HSPA12B: variants seen among roughly 807,000 people sequenced by gnomAD.
The protein encoded by HSPA12B is heat shock 70 kDa protein 12B.
HSPA12B carries 54 observed loss-of-function variants against 69.3 expected under a neutral mutation model. The ratio of observed to expected loss-of-function variants is 0.78; its 90% confidence interval spans 0.63 to 0.98. The LOEUF (loss-of-function observed/expected upper bound fraction) is 0.98. Ranked by LOEUF, HSPA12B falls within the 50% of genes least tolerant of loss-of-function variation. The probability of loss-of-function intolerance (pLI) is 0.00; values close to 1 mark genes in which losing one functional copy is unlikely to be tolerated. For synonymous variants in HSPA12B, 441 were observed against 436.5 expected, an observed-to-expected ratio of 1.01 and a Z score of -0.13; for missense variants, 929 against 999.8, an observed-to-expected ratio of 0.93 and a Z score of 0.96.
At chr20:3,743,684 G>A (rs2088247462) in intron 4 of HSPA12B, among the ~76,000 whole-genome samples, 1 of 152,126 alleles carries the variant, frequency 6.6e-6, no homozygotes. Flanking sequence ...TAGTACAGAT[G>A]TGTCATAATT....
rs1257194907 is a variant in HSPA12B at position 3,745,720 on chromosome 20, A to G, written c.558+123A>G. ...TAGCCACCGCCGGAGCTCAGAGGTC[A>G]TCTTCTCCAGTACCCTCCTCCCTTT... is the stretch of plus-strand genomic sequence containing the variant. On this transcript the variant is annotated intron_variant, in intron 6 of 12. Transcript: ENST00000254963. This position sits in a 1 kb window ranked among gnomAD's most constrained non-coding sequence, Gnocchi z 5.6. 7.2e-6 allele frequency: 7 copies of G among 972,110 alleles called. No individual in the cohort carries two copies. Among genetic ancestry groups the G allele is most frequent in the Non-Finnish European group, 1.1e-5 (7 of 622,516 alleles). The allele number at this position is 972,110 out of a possible 1,614,324, so 60.2% of individuals were successfully genotyped here.
At chr20:3,741,476 TACA>T (rs998952915) in intron 3 of HSPA12B, among the ~76,000 whole-genome samples, 25 of 151,886 alleles carry the variant, frequency 1.6e-4, no homozygotes, top group Non-Finnish European at 3.1e-4. Flanking sequence ...CTACAAAAAA[TACA>T]ACAATTAGCT....
rs550489678 is a variant in HSPA12B, at chr20:3,746,592, G to A, written c.675+561G>A. 5.3e-5 allele frequency among the ~76,000 whole-genome samples: 8 copies of A among 151,890 alleles called. No individual in the cohort carries two copies. In the East Asian group the frequency reaches 5.9e-4, roughly 11 times the overall value. The stretch of plus-strand genomic sequence containing the variant: ...GCTGGGATTACAGGCGTGAGCCACC[G>A]CGCCCGGCCAAGATGGAGAGTCTTA... On this transcript the variant is annotated intron_variant, in intron 7 of 12. Transcript: ENST00000254963.
At chr20:3,748,457 A>C in intron 8 of HSPA12B, 66 bp downstream of exon 8, 38 of 1,357,998 alleles carry the variant, frequency 2.8e-5, no homozygotes, top group Non-Finnish European at 3.3e-5. Context: ...CCAGAAGCTC[A>C]GCCATGTCTA....
chr20:3,738,573 G>C, intron 1 of HSPA12B, 85 bp from the exon 2 acceptor site: 1 of 1,372,068 alleles, frequency 7.3e-7, no homozygotes, highest in East Asian at 2.3e-5. Context: ...CCAGCCAAAA[G>C]TAAACAAATA....
chr20:3,749,668 GGAGGCTGGGC>G lies in HSPA12B; in HGVS notation c.938-73_938-64del. On this transcript the variant is annotated intron_variant, in intron 9 of 12. Coordinates refer to ENST00000254963, the MANE Select transcript of HSPA12B (RefSeq NM_052970.5). This position sits in a 1 kb window ranked among gnomAD's most constrained non-coding sequence, Gnocchi z 5.5. Reference sequence around the variant, plus strand: ...AGGCCTTGGGACCCGGGGCAGGGCTGGAGGCTGGGCGAGGCTGGAGGGGGCGCAGGGCTGA... The same window carrying G: ...AGGCCTTGGGACCCGGGGCAGGGCTGGAGGCTGGAGGGGGCGCAGGGCTGA... 1.9e-6 allele frequency: 2 copies of G among 1,056,982 alleles called. No homozygotes were observed. The highest frequency in any genetic ancestry group is 2.7e-6 in the Non-Finnish European group (2 of 735,140). 65.5% of individuals were successfully genotyped at this position (1,056,982 alleles called of 1,614,324 possible).
chr20:3,733,855 G>A (rs2088068252), intron 1 of HSPA12B, among the ~76,000 whole-genome samples: 1 of 152,208 alleles, frequency 6.6e-6, no homozygotes, highest in East Asian at 1.9e-4. Flanking sequence ...TAGTGAGGAG[G>A]GGAGCTGGAA....
At chr20:3,739,468 A>C (rs1346924922) in intron 2 of HSPA12B, among the ~76,000 whole-genome samples, 1 of 151,936 alleles carries the variant, frequency 6.6e-6, no homozygotes, top group Non-Finnish European at 1.5e-5. Context: ...CAAGAGGGAC[A>C]CTCCTCAGGA....
rs1277497594 is a variant in HSPA12B, at chr20:3,740,811, G to A, written c.44-4G>A. 1 of 1,612,906 alleles carries A rather than the reference G, an allele frequency of 6.2e-7. No individual in the cohort carries two copies. Among genetic ancestry groups the A allele is most frequent in the Non-Finnish European group, 8.5e-7 (1 of 1,179,542 alleles). ...CAGGATGAACTGCCGTCTCTTCTCT[G>A]CAGGCTCCAGCCCGGAGCGGTCCCC... On this transcript the variant is annotated splice_region_variant and splice_polypyrimidine_tract_variant and intron_variant, in intron 2 of 12. Transcript: ENST00000254963. The surrounding 1 kb of genome is among the most constrained non-coding windows in gnomAD (Gnocchi z 4.9).
chr20:3,742,543 G>A, intron 4 of HSPA12B, 135 bp downstream of exon 4: 2 of 667,600 alleles, frequency 3.0e-6, no homozygotes, highest in Non-Finnish European at 4.9e-6. Flanking sequence ...CTCCCCACTG[G>A]GGTAAAAGTT....
chr20:3,746,299 G>GACTT (rs2088301468), intron 7 of HSPA12B, among the ~76,000 whole-genome samples: 2 of 36,364 alleles, frequency 5.5e-5, no homozygotes, highest in Non-Finnish European at 5.1e-5. Flanking sequence ...AAGATGGAGA[G>GACTT]TCTTTTTTTT....
intron 7 of HSPA12B, among the ~76,000 whole-genome samples, chr20:3,746,301 C>CTTTTTTTTTTTTT (rs11473544): frequency 1.1e-5 from 1 of 89,244 alleles, no homozygotes. Flanking sequence ...GATGGAGAGT[C>CTTTTTTTTTTTTT]TTTTTTTTTT....
In HSPA12B at chr20:3,745,955, C is replaced by G. The variant is rs2088293857; in HGVS notation, c.599C>G (p.Thr200Ser). 6.2e-7 allele frequency: 1 copy of G among 1,614,074 alleles called. No homozygotes were observed. Among genetic ancestry groups the G allele is most frequent in the Non-Finnish European group, 8.5e-7 (1 of 1,180,000 alleles). Residue 200 changes from threonine to serine, a missense_variant, in exon 7 of 13, where the codon ACT (threonine) becomes AGT (serine). By Grantham distance (58) the Thr-to-Ser change is moderately conservative (BLOSUM62 1). Coordinates refer to ENST00000254963, the MANE Select transcript of HSPA12B (RefSeq NM_052970.5). This position sits in a 1 kb window ranked among gnomAD's most constrained non-coding sequence, Gnocchi z 5.6. ...AGCCCATCGCTGCCAGAGAAGGACA[C>G]TGTGCGCTGGGTGTTGACGGTGCCT... is the stretch of plus-strand genomic sequence containing the variant. Reference protein sequence around the residue: ...EQSPSLPEKDTVRWVLTVPAI... With the variant: ...EQSPSLPEKDSVRWVLTVPAI...
Position 3,745,860 on chromosome 20 carries a change from G to A in HSPA12B, c.559-55G>A. 1 of 1,483,756 alleles carries A rather than the reference G, an allele frequency of 6.7e-7. No individual in the cohort carries two copies. Among genetic ancestry groups the A allele is most frequent in the Non-Finnish European group, 9.4e-7 (1 of 1,061,388 alleles). The allele number at this position is 1,483,756 out of a possible 1,614,324, so 91.9% of individuals were successfully genotyped here. A position where few individuals can be genotyped will look rare whatever the true frequency, so the allele number is the denominator to read the frequency against. On this transcript the variant is annotated intron_variant, in intron 6 of 12. Transcript: ENST00000254963. This position sits in a 1 kb window ranked among gnomAD's most constrained non-coding sequence, Gnocchi z 5.6. ...AGTACCTCCAGTTCCGCAGAGGGCT[G>A]AAGACCACCCTCCCTCCAAGCCAGC... is the stretch of plus-strand genomic sequence containing the variant.
rs1196168748 is a variant in HSPA12B at position 3,745,681 on chromosome 20, C to G, written c.558+84C>G. The stretch of plus-strand genomic sequence containing the variant: ...CGAAACCGCTCCCCCATCCCGTCCC[C>G]GACATTGGATGGGTAGCCACCGCCG... On this transcript the variant is annotated intron_variant, in intron 6 of 12. Transcript: ENST00000254963. The surrounding 1 kb of genome is among the most constrained non-coding windows in gnomAD (Gnocchi z 5.6). 2 of 1,263,998 alleles carry G rather than the reference C, an allele frequency of 1.6e-6. No individual in the cohort carries two copies. Among genetic ancestry groups the G allele is most frequent in the African/African-American group, 1.5e-5 (1 of 68,170 alleles). The allele number at this position is 1,263,998 out of a possible 1,614,324, so 78.3% of individuals were successfully genotyped here. A position where few individuals can be genotyped will look rare whatever the true frequency, so the allele number is the denominator to read the frequency against.
chr20:3,736,592 C>A (rs929517970), intron 1 of HSPA12B, among the ~76,000 whole-genome samples: 3 of 152,208 alleles, frequency 2.0e-5, no homozygotes, highest in African/African-American at 7.2e-5. Flanking sequence ...ATTGGCCCTG[C>A]GTAGCCTCCT....
intron 11 of HSPA12B, 166 bp from the exon 12 acceptor site, chr20:3,750,638 T>C: frequency 2.0e-6 from 2 of 984,388 alleles, no homozygotes; most frequent in Non-Finnish European, 2.4e-6. Context: ...AGGGTGGAGA[T>C]AAGGGACTAA....
rs927428854 is a variant in HSPA12B, at chr20:3,737,958, G to A, written c.-17-700G>A. On this transcript the variant is annotated intron_variant, in intron 1 of 12. Transcript: ENST00000254963. This position sits in a 1 kb window ranked among gnomAD's most constrained non-coding sequence, Gnocchi z 4.1. ...GCAGAGGTTGCAGTGAGCCAAGATC[G>A]TGCCACTGCATTCCAGCCTGGGCAA... Among the ~76,000 whole-genome samples, 7 of 152,112 alleles carry A rather than the reference G, an allele frequency of 4.6e-5. No individual in the cohort carries two copies. The highest frequency in any genetic ancestry group is 1.2e-4 in the African/African-American group (5 of 41,410).
Position 3,746,299 on chromosome 20 carries a change from G to GTTTTT in HSPA12B, c.675+269_675+270insTTTTT, listed in dbSNP as rs1196019528. On this transcript the variant is annotated intron_variant, in intron 7 of 12. Transcript: ENST00000254963. ...CTAAAAGCAGAGCCCAAGATGGAGA[G>GTTTTT]TCTTTTTTTTTTTTTTTTTTTTTGA... Among the ~76,000 whole-genome samples, 2 of 36,362 alleles carry GTTTTT rather than the reference G, an allele frequency of 5.5e-5. 1 individual carries two copies. Among genetic ancestry groups the GTTTTT allele is most frequent in the African/African-American group, 2.1e-4 (2 of 9,666 alleles). The allele number at this position is 36,362 out of a possible 152,430, so 23.9% of individuals were successfully genotyped here.
Sources: allele counts gnomAD v4.1 joint callset (sites outside exome capture counted in the v4.1 genomes callset), GRCh38; gene constraint gnomAD v4.1.1; non-coding constraint Gnocchi (gnomAD v3.1); transcripts MANE v1.5; gene names NCBI Gene and HGNC (gene_info 2026-07-23, HGNC 2026-07-21).